ZFAND6: variants seen among roughly 807,000 people sequenced by gnomAD.
The protein encoded by ZFAND6 is zinc finger AN1-type containing 6, also known as AN1-type zinc finger protein 6.
A neutral mutation model predicts 24.5 loss-of-function variants in ZFAND6; 12 were observed. That is an observed-to-expected ratio of 0.49 (90% CI 0.31 to 0.79). ZFAND6 has a LOEUF of 0.79. ZFAND6 is among the 30% of genes least tolerant of loss of function. The pLI is 0.04. For synonymous variants in ZFAND6, 92 were observed against 81.5 expected (o/e 1.13, Z -0.69); for missense variants, 207 against 245.9 (o/e 0.84, Z 1.06).
In ZFAND6 at chr15:80,121,741, T is replaced by C. The variant is rs1462248520; in HGVS notation, c.184T>C (p.Leu62=). ...CTCTGTCAGTAGTCTGTCTGAATCT[T>C]TACCAGTTCAATGCACAGATGGCAG... ...ATSVSSLSES[L]PVQCTDGSVP... Residue 62 remains leucine (L), a synonymous_variant, in exon 4 of 7, where the codon TTA becomes CTA. Coordinates refer to ENST00000261749, the MANE Select transcript of ZFAND6 (RefSeq NM_019006.4). 2 of 1,613,870 alleles carry C rather than the reference T, an allele frequency of 1.2e-6. No homozygotes were observed. Among genetic ancestry groups the C allele is most frequent in the Non-Finnish European group, 1.7e-6 (2 of 1,179,846 alleles).
chr15:80,107,129 C>G (rs556869514), intron 2 of ZFAND6, among the ~76,000 whole-genome samples: 134 of 152,256 alleles, frequency 8.8e-4, no homozygotes, highest in Non-Finnish European at 1.6e-3. Context: ...GTAGGAGAAT[C>G]ACTTGAACCC....
intron 5 of ZFAND6, among the ~76,000 whole-genome samples, chr15:80,128,128 C>T (rs916153046): frequency 2.6e-5 from 4 of 152,170 alleles, no homozygotes; most frequent in African/African-American, 9.7e-5. Context: ...ATGTCTAAAA[C>T]AGGCTAGTCA....
Position 80,066,090 on chromosome 15 carries a change from A to G in ZFAND6, c.-181+6281A>G, listed in dbSNP as rs112294785. Among the ~76,000 whole-genome samples, 1,385 of 152,304 alleles carry G rather than the reference A, an allele frequency of 9.1e-3. 26 individuals carry two copies. The highest frequency in any genetic ancestry group is 0.032 in the African/African-American group (1,310 of 41,550). ...TCTGCCAAGTGCTGAGGACACAACT[A>G]TGTACAAGACAAGGTCTCTTGCCTT... On this transcript the variant is annotated intron_variant, in intron 1 of 6. Transcript: ENST00000261749.
intron 5 of ZFAND6, among the ~76,000 whole-genome samples, chr15:80,128,677 C>T (rs1023095495): frequency 6.6e-6 from 1 of 152,160 alleles, no homozygotes; most frequent in East Asian, 1.9e-4. Context: ...GTTACCTTAG[C>T]CTCATGGGTA....
chr15:80,130,180 A>G (rs955005648), intron 5 of ZFAND6: 1 of 152,212 alleles, frequency 6.6e-6, no homozygotes. Context: ...GGTGCCCAGT[A>G]TTTGGAAAAG....
chr15:80,061,214 A>G (rs1281163286), intron 1 of ZFAND6, among the ~76,000 whole-genome samples: 1 of 152,232 alleles, frequency 6.6e-6, no homozygotes, highest in Non-Finnish European at 1.5e-5. Flanking sequence ...GGGAGACATC[A>G]CAAATGTGCA....
At chr15:80,104,228 T>G (rs2039192911) in intron 2 of ZFAND6, among the ~76,000 whole-genome samples, 1 of 152,156 alleles carries the variant, frequency 6.6e-6, no homozygotes, top group East Asian at 1.9e-4. Flanking sequence ...ATATTAGAAC[T>G]AAATAGCCAG....
At chr15:80,106,537 G>C (rs76907478) in intron 2 of ZFAND6, among the ~76,000 whole-genome samples, 1,928 of 149,408 alleles carry the variant, frequency 0.013, 41 homozygotes, top group African/African-American at 0.044. Context: ...AGAGTGCTGG[G>C]AATATAACTC....
At chr15:80,129,075 T>C (rs2040486655) in intron 5 of ZFAND6, among the ~76,000 whole-genome samples, 1 of 152,208 alleles carries the variant, frequency 6.6e-6, no homozygotes, top group Admixed American at 6.5e-5. Context: ...CATTTCTGAT[T>C]GCAAGGTAAG....
intron 2 of ZFAND6, among the ~76,000 whole-genome samples, chr15:80,113,595 G>C (rs528811416): frequency 5.3e-5 from 8 of 152,230 alleles, no homozygotes; most frequent in African/African-American, 1.7e-4. Context: ...TATAAATTAT[G>C]AATATTGCAG....
chr15:80,072,250 G>A (rs1272603161), intron 1 of ZFAND6, among the ~76,000 whole-genome samples: 2 of 152,048 alleles, frequency 1.3e-5, no homozygotes, highest in East Asian at 3.8e-4. Context: ...AAATGATTTA[G>A]ATTAAAAGCA....
intron 2 of ZFAND6, among the ~76,000 whole-genome samples, chr15:80,108,506 A>G (rs4778749): frequency 6.6e-6 from 1 of 152,206 alleles, no homozygotes; most frequent in Admixed American, 6.5e-5. Flanking sequence ...AAATAAGAAT[A>G]TTGGGTGGCC....
At chr15:80,111,333 C>T (rs1596287189) in intron 2 of ZFAND6, 2 of 345,136 alleles carry the variant, frequency 5.8e-6, no homozygotes, top group East Asian at 1.5e-4. Flanking sequence ...CCCCTCATCC[C>T]ACCCCTGCAG....
At chr15:80,137,459 T>C (rs528646651) in intron 6 of ZFAND6, 21 bp from the exon 7 acceptor site, 200 of 1,590,814 alleles carry the variant, frequency 1.3e-4, no homozygotes, top group Non-Finnish European at 1.6e-4. Flanking sequence ...AACTCATGTA[T>C]GTGTATTACT....
At chr15:80,068,503 C>T (rs571674647) in intron 1 of ZFAND6, among the ~76,000 whole-genome samples, 1 of 152,150 alleles carries the variant, frequency 6.6e-6, no homozygotes, top group African/African-American at 2.4e-5. Flanking sequence ...TCCGGAGTAG[C>T]TGGGATTACA....
intron 1 of ZFAND6, among the ~76,000 whole-genome samples, chr15:80,093,504 G>A (rs939544739): frequency 1.3e-5 from 2 of 151,836 alleles, no homozygotes; most frequent in African/African-American, 4.8e-5. Context: ...GAGACGGGCG[G>A]AGCACCGAGG....
intron 2 of ZFAND6, among the ~76,000 whole-genome samples, chr15:80,111,973 G>GT (rs1486904099): frequency 6.6e-6 from 1 of 152,158 alleles, no homozygotes; most frequent in African/African-American, 2.4e-5. Flanking sequence ...AAAAACTGCT[G>GT]TATAGGCCAG....
At chr15:80,078,003 A>C (rs2037396118) in intron 1 of ZFAND6, among the ~76,000 whole-genome samples, 1 of 152,042 alleles carries the variant, frequency 6.6e-6, no homozygotes, top group Non-Finnish European at 1.5e-5. Flanking sequence ...CCGGCTTTCA[A>C]AACTTTTAAT....
chr15:80,112,483 C>T (rs141926565), intron 2 of ZFAND6, among the ~76,000 whole-genome samples: 4 of 152,058 alleles, frequency 2.6e-5, no homozygotes, highest in African/African-American at 7.2e-5. Context: ...CTGCAACCTC[C>T]GCCTCTTGGG....
Sources: gnomAD v4.1 joint callset for allele counts (sites outside exome capture counted in the v4.1 genomes callset) on GRCh38, gnomAD v4.1.1 for gene constraint, MANE v1.5 for transcripts, NCBI Gene and HGNC (gene_info 2026-07-23, HGNC 2026-07-21) for gene names.